Variants in GRIN2D observed in about 807,000 individuals in gnomAD.
The protein encoded by GRIN2D is glutamate receptor ionotropic, NMDA 2D.
GRIN2D carries 37 observed loss-of-function variants against 103.2 expected under a neutral mutation model. The ratio of observed to expected loss-of-function variants is 0.36; its 90% CI spans 0.28 to 0.47. GRIN2D has a LOEUF of 0.47. Among genes scored for constraint, GRIN2D ranks in the 20% least tolerant of loss-of-function variants. The pLI is 1.00. For synonymous variants in GRIN2D, 845 were observed against 885.6 expected, an observed-to-expected ratio of 0.95 and a Z score of 0.81; for missense variants, 1,557 against 1,910.6, an observed-to-expected ratio of 0.81 and a Z score of 3.45.
In GRIN2D at chr19:48,417,104, T is replaced by C. The variant is rs189984108; in HGVS notation, c.1735+949T>C. Among the ~76,000 whole-genome samples the C allele has an allele frequency of 2.5e-3, 378 of 152,172 alleles. 6 individuals are homozygous for C. Among genetic ancestry groups the C allele is most frequent in the Middle Eastern group, 6.8e-3 (2 of 294 alleles). ...TATAATCAGATTTAAGTTTTTAAAA[T>C]ATCCAGCTCTGTGTAATCCCAGCTA... On this transcript the variant is annotated intron_variant, in intron 8 of 13. Transcript: ENST00000263269.
Position 48,404,928 on chromosome 19 carries a change from G to A in GRIN2D, c.660G>A (p.Ala220=), listed in dbSNP as rs1473256750. The part of the protein sequence containing the change: ...GSLVGWEHRG[A]LTLDPGAGEA... ...TGGTGGGCTGGGAGCACCGCGGAGC[G>A]CTGACGCTGGACCCTGGGGCGGGCG... The change falls in exon 4 of 14, where the codon GCG becomes GCA. Residue 220 remains alanine (A), a synonymous_variant. Transcript: ENST00000263269. 5 of 1,613,586 alleles carry A rather than the reference G, an allele frequency of 3.1e-6. No individual in the cohort carries two copies. Among genetic ancestry groups the A allele is most frequent in the Non-Finnish European group, 4.2e-6 (5 of 1,179,922 alleles).
rs1970983510 is a variant in GRIN2D at position 48,419,148 on chromosome 19, G to A, written c.1736-86G>A. 8.5e-5 allele frequency: 110 copies of A among 1,297,852 alleles called. 2 individuals are homozygous for A. In the South Asian group the frequency reaches 1.4e-3, roughly 17 times the overall value. The allele number at this position is 1,297,852 out of a possible 1,614,324, so 80.4% of individuals were successfully genotyped here. A position where few individuals can be genotyped will look rare whatever the true frequency, so the allele number is the denominator to read the frequency against. The stretch of plus-strand genomic sequence containing the variant: ...CCTGCCTCAGCCTCCCAAAGTTCTG[G>A]GAGTACAGGCGTGAGGCACCGCCCC... On this transcript the variant is annotated intron_variant, in intron 8 of 13. Transcript: ENST00000263269.
chr19:48,424,361 C>T (rs1971062425), intron 11 of GRIN2D, among the ~76,000 whole-genome samples: 1 of 149,712 alleles, frequency 6.7e-6, no homozygotes, highest in South Asian at 2.1e-4. Flanking sequence ...AGCGCCGCCT[C>T]CCGGGTTCAC....
chr19:48,440,222 AAAT>A (rs1008019989), intron 11 of GRIN2D, among the ~76,000 whole-genome samples: 13 of 152,034 alleles, frequency 8.6e-5, no homozygotes, highest in African/African-American at 2.9e-4. Context: ...AAGAAAAAAA[AAAT>A]AAATAAATAA....
Position 48,419,829 on chromosome 19 carries a change from A to G in GRIN2D, c.2091+15A>G. 1 of 1,470,450 alleles carries G rather than the reference A, an allele frequency of 6.8e-7. No homozygotes were observed. The allele number at this position is 1,470,450 out of a possible 1,614,324, so 91.1% of individuals were successfully genotyped here. On this transcript the variant is annotated intron_variant, in intron 10 of 13. Transcript: ENST00000263269. ...GTGACCGCAAGGTGTGTGTGGGCCC[A>G]GGGCTGGGCTGGAGCTGGGGCTGGG...
intron 3 of GRIN2D, among the ~76,000 whole-genome samples, chr19:48,401,363 G>A (rs572759348): frequency 6.6e-6 from 1 of 152,276 alleles, no homozygotes; most frequent in East Asian, 1.9e-4. Flanking sequence ...CTGTCCTGGA[G>A]GAAATCAACA....
At chr19:48,412,090 G>T (rs1043744017) in intron 4 of GRIN2D, among the ~76,000 whole-genome samples, 1 of 151,936 alleles carries the variant, frequency 6.6e-6, no homozygotes, top group Admixed American at 6.6e-5. Flanking sequence ...ACTTTGGAAG[G>T]CCGAGGCAGG....
rs957703333 is a variant in GRIN2D, at chr19:48,421,711, T to C, written c.2092-74T>C. ...TGGGGTGTCTGCCAGATAGCGGGTGTGTCTCAGAATGGGTGATTTATGTTA... is the reference window on the plus strand; with the variant it reads ...TGGGGTGTCTGCCAGATAGCGGGTGCGTCTCAGAATGGGTGATTTATGTTA... On this transcript the variant is annotated intron_variant, in intron 10 of 13. Transcript: ENST00000263269. This position sits in a 1 kb window ranked among gnomAD's most constrained non-coding sequence, Gnocchi z 4.8. The C allele has an allele frequency of 1.5e-5, 18 of 1,235,438 alleles. No individual in the cohort carries two copies. Among genetic ancestry groups the C allele is most frequent in the Non-Finnish European group, 1.9e-5 (16 of 853,002 alleles). The allele number at this position is 1,235,438 out of a possible 1,614,324, so 76.5% of individuals were successfully genotyped here.
intron 11 of GRIN2D, among the ~76,000 whole-genome samples, chr19:48,425,273 G>A (rs865812326): frequency 7.9e-5 from 12 of 152,080 alleles, no homozygotes; most frequent in Non-Finnish European, 5.9e-5. Flanking sequence ...ATGGAGTCTC[G>A]CTCTGTTGCC....
intron 11 of GRIN2D, among the ~76,000 whole-genome samples, chr19:48,423,821 T>C (rs1181825015): frequency 6.6e-6 from 1 of 151,980 alleles, no homozygotes; most frequent in Non-Finnish European, 1.5e-5. Flanking sequence ...CTGATTTCTG[T>C]TTTTGTTTGT....
intron 11 of GRIN2D, among the ~76,000 whole-genome samples, chr19:48,422,482 G>C (rs758468211): frequency 6.6e-6 from 1 of 151,952 alleles, no homozygotes; most frequent in Non-Finnish European, 1.5e-5. Context: ...GTGGTGGCAC[G>C]CGCCTGTAGT....
At chr19:48,438,124 G>A (rs555835330) in intron 11 of GRIN2D, among the ~76,000 whole-genome samples, 105 of 151,956 alleles carry the variant, frequency 6.9e-4, no homozygotes, top group African/African-American at 2.5e-3. Context: ...ACACACACAC[G>A]GCATTTATAT....
rs192019074 is a variant in GRIN2D at position 48,408,109 on chromosome 19, C to T, written c.1085+2756C>T. 4.3e-3 allele frequency among the ~76,000 whole-genome samples: 659 copies of T among 151,894 alleles called. 10 individuals carry two copies. The highest frequency in any genetic ancestry group is 0.029 in the Admixed American group (440 of 15,240). On this transcript the variant is annotated intron_variant, in intron 4 of 13. Transcript: ENST00000263269. ...CAGCACTTTGGGAGGCCGAGGCGGG[C>T]GGATCACAAGGTCAGGAGATCGAGA...
chr19:48,395,365 G>A (rs997987996), intron 2 of GRIN2D, among the ~76,000 whole-genome samples: 6 of 150,722 alleles, frequency 4.0e-5, no homozygotes, highest in African/African-American at 1.2e-4. Context: ...TAATACCCCC[G>A]CCAAGGACCT....
intron 2 of GRIN2D, among the ~76,000 whole-genome samples, chr19:48,396,013 TG>T (rs1970634979): frequency 6.6e-6 from 1 of 151,856 alleles, no homozygotes; most frequent in Non-Finnish European, 1.5e-5. Context: ...GAAGGACTCC[TG>T]GGTCTTTACG....
intron 3 of GRIN2D, among the ~76,000 whole-genome samples, chr19:48,403,196 CTCAAAAAAAAA>C (rs1452481129): frequency 3.7e-5 from 3 of 80,452 alleles, no homozygotes; most frequent in African/African-American, 1.8e-4. Context: ...AAGACTCTGT[CTCAAAAAAAAA>C]AAAAAAAAAA....
At chr19:48,441,983 A>G in intron 12 of GRIN2D, 27 bp downstream of exon 12, 1 of 1,586,094 alleles carries the variant, frequency 6.3e-7, no homozygotes. Context: ...GGATTTCCAC[A>G]GCGGAGAGGG....
In GRIN2D at chr19:48,442,791, G is replaced by A; in HGVS notation, c.2865G>A (p.Ala955=). The A allele has an allele frequency of 1.9e-6, 2 of 1,069,168 alleles. No homozygotes were observed. The highest frequency in any genetic ancestry group is 1.7e-5 in the African/African-American group (1 of 58,310). 66.2% of individuals were successfully genotyped at this position (1,069,168 alleles called of 1,614,324 possible). A position where few individuals can be genotyped will look rare whatever the true frequency, so the allele number is the denominator to read the frequency against. Residue 955 remains alanine (A), a synonymous_variant, in exon 14 of 14, where the codon GCG becomes GCA. Coordinates refer to ENST00000263269, the MANE Select transcript of GRIN2D (RefSeq NM_000836.4). The surrounding 1 kb of genome is among the most constrained non-coding windows in gnomAD (Gnocchi z 7.2). Reference sequence around the variant, plus strand: ...AGGGCGCGGGGCCGCCGGGGGGCGCGGGCCTGGCCGACGGCTTCCACCGCT... The same window carrying A: ...AGGGCGCGGGGCCGCCGGGGGGCGCAGGCCTGGCCGACGGCTTCCACCGCT... ...RTKGAGPPGG[A]GLADGFHRYY...
chr19:48,436,070 T>C (rs1360984957), intron 11 of GRIN2D, among the ~76,000 whole-genome samples: 1 of 152,202 alleles, frequency 6.6e-6, no homozygotes, highest in Admixed American at 6.5e-5. Context: ...TGGGTTCACG[T>C]TGCCCGCTGC....
Sources: gnomAD v4.1 joint callset for allele counts (sites outside exome capture counted in the v4.1 genomes callset) on GRCh38, gnomAD v4.1.1 for gene constraint, Gnocchi (gnomAD v3.1) non-coding constraint, MANE v1.5 for transcripts, NCBI Gene and HGNC (gene_info 2026-07-23, HGNC 2026-07-21) for gene names.